Variants in DLG2 observed in about 807,000 individuals in gnomAD.
DLG2 encodes the protein disks large homolog 2.
In DLG2, 45 loss-of-function variants were observed where a neutral mutation model predicts 132.5. The observed-to-expected ratio is 0.34, with a 90% confidence interval of 0.27 to 0.44. DLG2 has a LOEUF of 0.44. Among genes scored for constraint, DLG2 ranks in the 20% least tolerant of loss-of-function variants. The pLI, the probability that DLG2 is intolerant of heterozygous loss-of-function variation, is 1.00. For synonymous variants in DLG2, 424 were observed against 419.6 expected (o/e 1.01, Z -0.13); for missense variants, 1,045 against 1,196.9 (o/e 0.87, Z 1.87).
chr11:84,496,298 T>A (rs1194985514), intron 7 of DLG2, among the ~76,000 whole-genome samples: 1 of 152,170 alleles, frequency 6.6e-6, no homozygotes, highest in East Asian at 1.9e-4. Context: ...GACTACTGCA[T>A]TCTGAGAAAT....
At chr11:84,659,601 T>C (rs2099692288) in intron 6 of DLG2, among the ~76,000 whole-genome samples, 4 of 152,198 alleles carry the variant, frequency 2.6e-5, no homozygotes, top group Admixed American at 2.6e-4. Context: ...TCAAGTAAGT[T>C]ACTGAATGAC....
chr11:83,928,357 A>G (rs2079398569), intron 15 of DLG2, among the ~76,000 whole-genome samples: 1 of 152,156 alleles, frequency 6.6e-6, no homozygotes, highest in Admixed American at 6.5e-5. Flanking sequence ...GAAAAGAATC[A>G]TATCTGGCAG....
chr11:85,594,223 G>A (rs1321569281), intron 3 of DLG2, among the ~76,000 whole-genome samples: 22 of 152,152 alleles, frequency 1.4e-4, no homozygotes. Flanking sequence ...ACAAAGAGAT[G>A]ATAAATCCCA....
At chr11:85,532,743 T>C (rs375045517) in intron 3 of DLG2, among the ~76,000 whole-genome samples, 2 of 152,218 alleles carry the variant, frequency 1.3e-5, no homozygotes, top group Admixed American at 1.3e-4. Flanking sequence ...AATTCTCTTA[T>C]ATACTAATGA....
intron 7 of DLG2, among the ~76,000 whole-genome samples, chr11:84,509,050 G>C (rs538213502): frequency 6.6e-6 from 1 of 152,356 alleles, no homozygotes; most frequent in African/African-American, 2.4e-5. Flanking sequence ...CTGGGTGAAA[G>C]AAATGTAGCA....
At position 84,737,321 on chromosome 11, in the gene DLG2, T is replaced by C. The variant is rs552239097; in HGVS notation, c.358-202590A>G. On this transcript the variant is annotated intron_variant, in intron 6 of 27. Transcript: ENST00000376104. ...TAGTCTGTAACATTTTTTATTGAAA[T>C]ATATTTGCCTGTTTTTATACCAAGG... is the stretch of plus-strand genomic sequence containing the variant. Among the ~76,000 whole-genome samples the C allele has an allele frequency of 6.2e-4, 95 of 152,166 alleles. 3 individuals carry two copies. Among genetic ancestry groups the C allele is most frequent in the African/African-American group, 2.0e-3 (84 of 41,552 alleles).
chr11:83,886,753 A>G (rs1376499361), intron 15 of DLG2, among the ~76,000 whole-genome samples: 1 of 152,206 alleles, frequency 6.6e-6, no homozygotes, highest in Admixed American at 6.5e-5. Flanking sequence ...ACTGTCTCTC[A>G]GACCACAGCG....
chr11:84,354,376 T>C (rs1056499666), intron 7 of DLG2, among the ~76,000 whole-genome samples: 2 of 152,150 alleles, frequency 1.3e-5, no homozygotes, highest in Non-Finnish European at 2.9e-5. Flanking sequence ...AAATTTAAAC[T>C]AAAAAATTCT....
intron 10 of DLG2, among the ~76,000 whole-genome samples, chr11:84,091,298 T>TC (rs2097089952): frequency 6.6e-6 from 1 of 152,190 alleles, no homozygotes; most frequent in Admixed American, 6.5e-5. Context: ...TCTCACATTT[T>TC]CCCTGCAGTT....
intron 9 of DLG2, among the ~76,000 whole-genome samples, chr11:84,124,751 A>T (rs1438967053): frequency 6.6e-6 from 1 of 151,352 alleles, no homozygotes; most frequent in Non-Finnish European, 1.5e-5. Flanking sequence ...AACAAACTAG[A>T]TTTATTGTCT....
At chr11:83,686,609 G>A (rs2079831946) in intron 18 of DLG2, among the ~76,000 whole-genome samples, 2 of 152,020 alleles carry the variant, frequency 1.3e-5, no homozygotes, top group Non-Finnish European at 2.9e-5. Flanking sequence ...TTAAATGAAT[G>A]TATTTGAAGT....
At chr11:84,396,192 T>C (rs2098810394) in intron 7 of DLG2, among the ~76,000 whole-genome samples, 1 of 152,196 alleles carries the variant, frequency 6.6e-6, no homozygotes, top group Non-Finnish European at 1.5e-5. Context: ...AGCTCCACTT[T>C]TCCCATAAAT....
chr11:83,981,638 T>C (rs2449595), intron 11 of DLG2, among the ~76,000 whole-genome samples: 24,899 of 151,970 alleles, frequency 0.16, 2,706 homozygotes, highest in East Asian at 0.31. Context: ...ACACTGAAAA[T>C]GTTGGCCAGG....
At chr11:85,120,725 C>A (rs1053689426) in intron 5 of DLG2, among the ~76,000 whole-genome samples, 2 of 151,886 alleles carry the variant, frequency 1.3e-5, no homozygotes, top group Non-Finnish European at 2.9e-5. Context: ...ATACAAAAAT[C>A]AAAATTCTTG....
chr11:84,903,498 T>C (rs1427375463), intron 6 of DLG2, among the ~76,000 whole-genome samples: 1 of 152,150 alleles, frequency 6.6e-6, no homozygotes, highest in Non-Finnish European at 1.5e-5. Flanking sequence ...GAATATAAGC[T>C]ACTCAGGGGC....
chr11:83,494,040 C>A (rs940526509), intron 21 of DLG2, among the ~76,000 whole-genome samples: 2 of 151,992 alleles, frequency 1.3e-5, no homozygotes, highest in Non-Finnish European at 2.9e-5. Flanking sequence ...TACCATAAAT[C>A]CTTGTCTGGT....
At chr11:83,775,826 C>T (rs180819254) in intron 18 of DLG2, among the ~76,000 whole-genome samples, 10 of 152,170 alleles carry the variant, frequency 6.6e-5, no homozygotes, top group African/African-American at 1.4e-4. Context: ...GGCGCAGTGG[C>T]TCACGCCTGT....
chr11:84,100,317 A>ATC (rs1310089247), intron 9 of DLG2, among the ~76,000 whole-genome samples: 1 of 141,856 alleles, frequency 7.0e-6, no homozygotes, highest in East Asian at 2.3e-4. Context: ...GGATATATAT[A>ATC]TCTCTCTCTC....
At chr11:84,000,715 G>T (rs2094302667) in intron 11 of DLG2, among the ~76,000 whole-genome samples, 1 of 151,992 alleles carries the variant, frequency 6.6e-6, no homozygotes, top group Non-Finnish European at 1.5e-5. Context: ...TATATTAAAA[G>T]TTTCAAAAGA....
Sources: allele counts gnomAD v4.1 joint callset (sites outside exome capture counted in the v4.1 genomes callset), GRCh38; gene constraint gnomAD v4.1.1; transcripts MANE v1.5; gene names NCBI Gene and HGNC (gene_info 2026-07-23, HGNC 2026-07-21).